PTPRF: variants seen among roughly 807,000 people sequenced by gnomAD.
The protein encoded by PTPRF is receptor-type tyrosine-protein phosphatase F.
PTPRF carries 59 observed loss-of-function variants against 201.8 expected under a neutral mutation model. That is an observed-to-expected ratio of 0.29 (90% CI 0.24 to 0.36). The LOEUF (loss-of-function observed/expected upper bound fraction) is 0.36. Among genes scored for constraint, PTPRF ranks in the 10% least tolerant of loss-of-function variants. The pLI is 1.00. For synonymous variants in PTPRF, 1,088 were observed against 1,089.7 expected (o/e 1.00, Z 0.03); for missense variants, 2,132 against 2,690.5 (o/e 0.79, Z 4.59).
intron 3 of PTPRF, among the ~76,000 whole-genome samples, chr1:43,548,861 A>G (rs542106863): frequency 3.3e-5 from 5 of 152,188 alleles, no homozygotes; most frequent in Non-Finnish European, 5.9e-5. Context: ...TCCATGGGAA[A>G]GGCACAAAAT....
upstream of PTPRF, among the ~76,000 whole-genome samples, chr1:43,523,410 G>A (rs1239870593): frequency 1.3e-5 from 2 of 152,170 alleles, no homozygotes; most frequent in Non-Finnish European, 2.9e-5. Context: ...GAAAGGCCAA[G>A]GCATGGGCGT....
At chr1:43,592,220 A>C (rs943717641) in intron 10 of PTPRF, among the ~76,000 whole-genome samples, 2 of 152,052 alleles carry the variant, frequency 1.3e-5, no homozygotes, top group Non-Finnish European at 2.9e-5. Flanking sequence ...CAGAGCCCTG[A>C]AGTTTCCCCA....
upstream of PTPRF, among the ~76,000 whole-genome samples, chr1:43,526,780 A>G (rs571006401): frequency 3.3e-5 from 5 of 152,362 alleles, no homozygotes; most frequent in African/African-American, 1.2e-4. Flanking sequence ...TATCTTCCCA[A>G]GGACCAGGTT....
chr1:43,586,311 G>A lies in PTPRF; in HGVS notation c.680-2420G>A, dbSNP rs531640782. Among the ~76,000 whole-genome samples, 7 of 152,328 alleles carry A rather than the reference G, an allele frequency of 4.6e-5. No individual in the cohort carries two copies. In the East Asian group the frequency reaches 1.4e-3, roughly 29 times the overall value. ...TGCCCCCACCCCGCTTCTGTGGCAG[G>A]CCTGGACCTGATCTGCAAACAGACT... On this transcript the variant is annotated intron_variant, in intron 7 of 33. Coordinates refer to ENST00000359947, the MANE Select transcript of PTPRF (RefSeq NM_002840.5).
intron 6 of PTPRF, among the ~76,000 whole-genome samples, chr1:43,578,367 G>A (rs1647072339): frequency 6.6e-6 from 1 of 152,196 alleles, no homozygotes; most frequent in Admixed American, 6.5e-5. Context: ...AGCCTGATGA[G>A]GGCATGGCGT....
intron 6 of PTPRF, among the ~76,000 whole-genome samples, chr1:43,574,336 A>G (rs556498315): frequency 2.0e-5 from 3 of 152,290 alleles, no homozygotes; most frequent in Admixed American, 2.0e-4. Flanking sequence ...CATATTAGAT[A>G]TTAAGACTGA....
intron 7 of PTPRF, among the ~76,000 whole-genome samples, chr1:43,581,877 G>C (rs1011498886): frequency 1.3e-5 from 2 of 152,224 alleles, no homozygotes; most frequent in Non-Finnish European, 2.9e-5. Context: ...GACATTTTGG[G>C]CTGGACGATT....
rs1650496274 is a variant in PTPRF at position 43,590,857 on chromosome 1, G to T, written c.950-115G>T. 9 of 962,836 alleles carry T rather than the reference G, an allele frequency of 9.3e-6. No homozygotes were observed. The South Asian group carries it at 1.5e-4, about 16-fold the overall frequency. The allele number at this position is 962,836 out of a possible 1,614,324, so 59.6% of individuals were successfully genotyped here. On this transcript the variant is annotated intron_variant, in intron 8 of 33. Coordinates refer to ENST00000359947, the MANE Select transcript of PTPRF (RefSeq NM_002840.5). ...CAGCCATTTTTCAAGGTAGGCTGTG[G>T]GTATCAGCCACACTCAGGTGACCCC...
chr1:43,586,586 A>G (rs964137532), intron 7 of PTPRF, among the ~76,000 whole-genome samples: 13 of 152,254 alleles, frequency 8.5e-5, no homozygotes, highest in African/African-American at 2.9e-4. Flanking sequence ...AGAACAGATG[A>G]CAGAAACCCA....
At chr1:43,533,764 C>T (rs542165957) in intron 1 of PTPRF, among the ~76,000 whole-genome samples, 1 of 152,326 alleles carries the variant, frequency 6.6e-6, no homozygotes, top group Admixed American at 6.5e-5. Context: ...AGTCAGGGCC[C>T]TACCCTCGAG....
rs1658581942 is a variant in PTPRF at position 43,619,190 on chromosome 1, T to G, written c.4634T>G (p.Val1545Gly). 7.3e-7 allele frequency: 1 copy of G among 1,361,580 alleles called. No homozygotes were observed. The highest frequency in any genetic ancestry group is 2.0e-5 in the Admixed American group (1 of 50,060). 84.3% of individuals were successfully genotyped at this position (1,361,580 alleles called of 1,614,324 possible). ...AACCCCCTAGACGCAGGGCCCATGG[T>G]GGTGCACTGCAGGTGAGAGGGTACA... is the stretch of plus-strand genomic sequence containing the variant. Reference protein sequence around the residue: ...ACNPLDAGPMVVHCSAGVGRT... With the variant: ...ACNPLDAGPMGVHCSAGVGRT... The change falls in exon 27 of 34, where the codon GTG becomes GGG. Residue 1545 changes from valine (V) to glycine (G), a missense_variant. Physicochemically the swap from Val to Gly is moderately radical, Grantham distance 109. Around this residue, in one of 6 missense-constraint regions of PTPRF, gnomAD observed 519 missense variants for 659.5 expected, o/e 0.79. Coordinates refer to ENST00000359947, the MANE Select transcript of PTPRF (RefSeq NM_002840.5).
chr1:43,592,635 C>G, intron 11 of PTPRF, 34 bp downstream of exon 11: 1 of 1,547,436 alleles, frequency 6.5e-7, no homozygotes, highest in Admixed American at 1.8e-5. Context: ...CCTGTTACAC[C>G]TGGGCTGGGA....
In PTPRF at chr1:43,621,156, G is replaced by A. The variant is rs373895014; in HGVS notation, c.5579G>A (p.Arg1860His). Residue 1860 changes from arginine (R) to histidine (H), a missense_variant, in exon 33 of 34, where the codon CGC (arginine) becomes CAC (histidine). Physicochemically the swap from Arg to His is conservative, Grantham distance 29. Around this residue, in one of 6 missense-constraint regions of PTPRF, gnomAD observed 519 missense variants for 659.5 expected, o/e 0.79. Transcript: ENST00000359947. ...CTGAGCATCGTCCTGGAGCGCATGC[G>A]CTACGAGGGCGTGGTCGACATGTTT... is the stretch of plus-strand genomic sequence containing the variant. The part of the protein sequence containing the change: ...ITLSIVLERM[R>H]YEGVVDMFQT... 6.8e-6 allele frequency: 11 copies of A among 1,613,994 alleles called. No individual in the cohort carries two copies. Among genetic ancestry groups the A allele is most frequent in the Middle Eastern group, 1.6e-4 (1 of 6,082 alleles).
At chr1:43,609,909 A>G (rs1656037389) in intron 22 of PTPRF, among the ~76,000 whole-genome samples, 1 of 152,144 alleles carries the variant, frequency 6.6e-6, no homozygotes, top group South Asian at 2.1e-4. Flanking sequence ...CTGTGGGGAG[A>G]TGAAGTGCCT....
intron 22 of PTPRF, among the ~76,000 whole-genome samples, chr1:43,612,333 G>A (rs773796652): frequency 7.2e-5 from 11 of 152,188 alleles, no homozygotes; most frequent in Non-Finnish European, 1.2e-4. Context: ...AAGATACCTG[G>A]GAAGGAGGCA....
intron 22 of PTPRF, among the ~76,000 whole-genome samples, chr1:43,611,223 C>G (rs1041415465): frequency 2.0e-5 from 3 of 152,288 alleles, no homozygotes; most frequent in Admixed American, 1.3e-4. Context: ...CCAGGCAGAC[C>G]TAGCAGGCTG....
At chr1:43,534,436 G>C (rs544555754) in intron 1 of PTPRF, among the ~76,000 whole-genome samples, 1 of 152,298 alleles carries the variant, frequency 6.6e-6, no homozygotes, top group East Asian at 1.9e-4. Flanking sequence ...GCTTTGATAG[G>C]TGGTAGCATG....
chr1:43,617,309 G>A (rs540267045), intron 23 of PTPRF, 136 bp from the exon 24 acceptor site: 41 of 1,282,708 alleles, frequency 3.2e-5, no homozygotes, highest in Non-Finnish European at 4.0e-5. Context: ...CTGGCACCAC[G>A]AGATAGAGGG....
At chr1:43,526,004 T>G (rs562181916), upstream of PTPRF, among the ~76,000 whole-genome samples, 1 of 151,432 alleles carries the variant, frequency 6.6e-6, no homozygotes, top group Non-Finnish European at 1.5e-5. Context: ...GGGAGGGAAT[T>G]TTTTTTAGGA....
Sources: gnomAD v4.1 joint callset for allele counts (sites outside exome capture counted in the v4.1 genomes callset) on GRCh38, gnomAD v4.1.1 for gene constraint, gnomAD v4.1.1 regional missense constraint, MANE v1.5 for transcripts, NCBI Gene and HGNC (gene_info 2026-07-23, HGNC 2026-07-21) for gene names.